GALNTL6: variants seen among roughly 807,000 people sequenced by gnomAD.
GALNTL6 encodes the protein polypeptide N-acetylgalactosaminyltransferase-like 6.
In GALNTL6, 46 loss-of-function variants were observed where a neutral mutation model predicts 73.7. The observed-to-expected ratio is 0.62, with a 90% confidence interval of 0.49 to 0.80. The LOEUF (loss-of-function observed/expected upper bound fraction) is 0.80. GALNTL6 is among the 30% of genes least tolerant of loss of function. The pLI is 0.00. For missense variants in GALNTL6, 604 were observed against 755.0 expected (o/e 0.80, Z 2.34); for synonymous variants, 259 against 263.7 (o/e 0.98, Z 0.17).
rs763978977 is a variant in GALNTL6 at position 172,547,605 on chromosome 4, T to A, written c.553+198916T>A. Reference sequence around the variant, plus strand: ...GAGTAACTCAGCAACCTTTAGATCATTTTTTTTCCTCCTGAAGACAATCTC... The same window carrying A: ...GAGTAACTCAGCAACCTTTAGATCAATTTTTTTCCTCCTGAAGACAATCTC... On this transcript the variant is annotated intron_variant, in intron 5 of 12. Transcript: ENST00000506823. Among the ~76,000 whole-genome samples the A allele has an allele frequency of 1.2e-3, 186 of 151,934 alleles. 2 individuals are homozygous for A. The highest frequency in any genetic ancestry group is 1.9e-3 in the Non-Finnish European group (128 of 67,980).
chr4:172,301,823 A>G (rs1206439686), intron 3 of GALNTL6, among the ~76,000 whole-genome samples: 2 of 152,128 alleles, frequency 1.3e-5, no homozygotes, highest in Non-Finnish European at 2.9e-5. Flanking sequence ...TCAGGGACCC[A>G]CTTGAGGAGG....
rs186915711 is a variant in GALNTL6, at chr4:172,365,169, G to A, written c.553+16480G>A. ...AAGACTAAGAGTATTTAAGGGTTTA[G>A]GGAGAGAGCATATCACAGTCTTGCA... On this transcript the variant is annotated intron_variant, in intron 5 of 12. Coordinates refer to ENST00000506823, the MANE Select transcript of GALNTL6 (RefSeq NM_001034845.3). 1.2e-4 allele frequency among the ~76,000 whole-genome samples: 19 copies of A among 152,248 alleles called. No homozygotes were observed. In the East Asian group the frequency reaches 3.3e-3, roughly 26 times the overall value.
chr4:172,618,367 C>G (rs1356828025), intron 5 of GALNTL6, among the ~76,000 whole-genome samples: 1 of 152,096 alleles, frequency 6.6e-6, no homozygotes, highest in African/African-American at 2.4e-5. Flanking sequence ...AGAAAACACT[C>G]CAAGAAACCA....
At chr4:172,710,827 A>G (rs554404380) in intron 5 of GALNTL6, among the ~76,000 whole-genome samples, 1 of 152,298 alleles carries the variant, frequency 6.6e-6, no homozygotes, top group South Asian at 2.1e-4. Context: ...TGAGTGCTAG[A>G]AGAAAAAACA....
At chr4:172,788,796 G>C (rs1490897910) in intron 5 of GALNTL6, among the ~76,000 whole-genome samples, 1 of 152,098 alleles carries the variant, frequency 6.6e-6, no homozygotes, top group African/African-American at 2.4e-5. Context: ...ACAAGAGGTG[G>C]TGTTCAGGGC....
intron 5 of GALNTL6, among the ~76,000 whole-genome samples, chr4:172,414,832 G>A (rs189679052): frequency 2.0e-5 from 3 of 152,086 alleles, no homozygotes; most frequent in South Asian, 4.1e-4. Flanking sequence ...GGGTTTTGTT[G>A]TTGTTGTTGC....
At chr4:172,634,494 T>C (rs1739561214) in intron 5 of GALNTL6, among the ~76,000 whole-genome samples, 1 of 152,162 alleles carries the variant, frequency 6.6e-6, no homozygotes, top group Admixed American at 6.5e-5. Flanking sequence ...TACTCCTTGG[T>C]CTAGCCCAGT....
At chr4:172,735,238 G>A (rs6553651) in intron 5 of GALNTL6, among the ~76,000 whole-genome samples, 146,473 of 152,292 alleles carry the variant, frequency 0.96, 70,701 homozygotes, top group East Asian at 1. Context: ...AAAGCCACAG[G>A]GGCAGAGCTG....
chr4:172,081,356 C>T (rs1367033918), intron 2 of GALNTL6, among the ~76,000 whole-genome samples: 1 of 152,166 alleles, frequency 6.6e-6, no homozygotes, highest in Admixed American at 6.5e-5. Flanking sequence ...AGTTGACAAC[C>T]TGGGTGGGCA....
At chr4:171,846,189 T>C (rs1388447541) in intron 2 of GALNTL6, among the ~76,000 whole-genome samples, 1 of 152,204 alleles carries the variant, frequency 6.6e-6, no homozygotes, top group Admixed American at 6.5e-5. Context: ...TGATCCACTT[T>C]ATTTGCAAAT....
intron 2 of GALNTL6, among the ~76,000 whole-genome samples, chr4:172,155,301 G>A (rs1197537074): frequency 2.0e-5 from 3 of 152,012 alleles, no homozygotes; most frequent in Non-Finnish European, 2.9e-5. Flanking sequence ...CCCGGCCATC[G>A]TACCCTTTTA....
At chr4:172,030,689 C>G (rs1200818071) in intron 2 of GALNTL6, among the ~76,000 whole-genome samples, 3 of 151,760 alleles carry the variant, frequency 2.0e-5, no homozygotes, top group Non-Finnish European at 2.9e-5. Context: ...TAGCCTGGGC[C>G]ACACAGCTAG....
At chr4:172,338,041 T>G (rs1741406168) in intron 4 of GALNTL6, among the ~76,000 whole-genome samples, 1 of 152,164 alleles carries the variant, frequency 6.6e-6, no homozygotes, top group East Asian at 1.9e-4. Flanking sequence ...CTAAAATTCT[T>G]TTACTGTTTG....
chr4:172,069,849 C>T (rs1404472874), intron 2 of GALNTL6, among the ~76,000 whole-genome samples: 1 of 106,590 alleles, frequency 9.4e-6, no homozygotes, highest in African/African-American at 3.6e-5. Flanking sequence ...CAAGAAAACA[C>T]ACCTGCTTTC....
intron 5 of GALNTL6, among the ~76,000 whole-genome samples, chr4:172,479,750 C>T (rs1342151719): frequency 7.9e-5 from 12 of 152,106 alleles, no homozygotes; most frequent in East Asian, 1.9e-4. Context: ...ATGTGTTTGT[C>T]GATGACCCAC....
chr4:171,880,832 C>CA (rs1287071628), intron 2 of GALNTL6, among the ~76,000 whole-genome samples: 1 of 152,032 alleles, frequency 6.6e-6, no homozygotes, highest in Non-Finnish European at 1.5e-5. Context: ...GAAAAACTGT[C>CA]AATAGTTGAA....
intron 2 of GALNTL6, among the ~76,000 whole-genome samples, chr4:171,853,714 C>T (rs1735596861): frequency 7.0e-6 from 1 of 143,494 alleles, no homozygotes; most frequent in African/African-American, 2.6e-5. Context: ...TAGGTCCAAG[C>T]GATTCTCCTG....
At chr4:172,677,824 G>A (rs1732393221) in intron 5 of GALNTL6, among the ~76,000 whole-genome samples, 1 of 151,792 alleles carries the variant, frequency 6.6e-6, no homozygotes, top group South Asian at 2.1e-4. Flanking sequence ...CTCACCAGCA[G>A]TGCAGGGAGA....
chr4:172,128,613 T>C (rs1024645709), intron 2 of GALNTL6, among the ~76,000 whole-genome samples: 1 of 152,196 alleles, frequency 6.6e-6, no homozygotes, highest in Non-Finnish European at 1.5e-5. Flanking sequence ...AAAACAATTA[T>C]TTTATCTTTT....
Sources: gnomAD v4.1 joint callset for allele counts (sites outside exome capture counted in the v4.1 genomes callset) on GRCh38, gnomAD v4.1.1 for gene constraint, MANE v1.5 for transcripts, NCBI Gene and HGNC (gene_info 2026-07-23, HGNC 2026-07-21) for gene names.